The following SLC22A2 variants were observed in gnomAD, a reference collection of about 807,000 sequenced individuals.
SLC22A2 encodes organic cation transporter 2.
Under a neutral mutation model 60.5 loss-of-function variants are expected in SLC22A2, and 46 were observed. The ratio of observed to expected loss-of-function variants is 0.76; its 90% confidence interval spans 0.60 to 0.97. The LOEUF is 0.97. Among genes scored for constraint, SLC22A2 ranks in the 50% least tolerant of loss-of-function variants. SLC22A2 has a pLI of 0.00. For missense variants in SLC22A2, 701 were observed against 706.6 expected (o/e 0.99, Z 0.09); for synonymous variants, 303 against 267.0 (o/e 1.13, Z -1.31).
chr6:160,256,170 G>A (rs1303071906), intron 2 of SLC22A2, among the ~76,000 whole-genome samples: 1 of 152,000 alleles, frequency 6.6e-6, no homozygotes, highest in Non-Finnish European at 1.5e-5. Flanking sequence ...ACGGGTATTA[G>A]GGAGATTCTA....
rs1783043104 is a variant in SLC22A2 at position 160,243,434 on chromosome 6, G to T, written c.1279+138C>A. On this transcript the variant is annotated intron_variant, in intron 7 of 10. Coordinates refer to ENST00000366953, the MANE Select transcript of SLC22A2 (RefSeq NM_003058.4). The stretch of plus-strand genomic sequence containing the variant: ...CTGGCCATATGAATTTGCTCAGAAG[G>T]GTCCCAGATACTGCCCTCCAATTTG... 5 of 686,736 alleles carry T rather than the reference G, an allele frequency of 7.3e-6. No homozygotes were observed. In the Admixed American group the frequency reaches 1.3e-4, roughly 17 times the overall value. 42.5% of individuals were successfully genotyped at this position (686,736 alleles called of 1,614,324 possible).
Position 160,250,683 on chromosome 6 carries a change from G to GTCCTCAT in SLC22A2, c.537_538insATGAGGA (p.Leu180MetfsTer108). On this transcript the variant is annotated frameshift_variant, in exon 3 of 11. Coordinates refer to ENST00000366953, the MANE Select transcript of SLC22A2 (RefSeq NM_003058.4). LOFTEE classifies it high-confidence loss of function. The stretch of plus-strand genomic sequence containing the variant: ...GCATTTATGAGGACTGTAGTTAGGA[G>GTCCTCAT]GCAGAGCTTACGGCCAAACCTGCAG... The GTCCTCAT allele has an allele frequency of 6.2e-7, 1 of 1,614,006 alleles. No individual in the cohort carries two copies. Among genetic ancestry groups the GTCCTCAT allele is most frequent in the Non-Finnish European group, 8.5e-7 (1 of 1,179,888 alleles).
At chr6:160,248,839 G>A (rs191097659) in intron 4 of SLC22A2, among the ~76,000 whole-genome samples, 2 of 152,328 alleles carry the variant, frequency 1.3e-5, no homozygotes, top group Admixed American at 1.3e-4. Context: ...GCCATGCTCT[G>A]CTTTCTCCAC....
chr6:160,241,759 T>C (rs536624135), intron 8 of SLC22A2, among the ~76,000 whole-genome samples, 173 bp from the exon 9 acceptor site: 1 of 152,052 alleles, frequency 6.6e-6, no homozygotes, highest in Non-Finnish European at 1.5e-5. Flanking sequence ...GAAGAACTTA[T>C]TCATACAACC....
rs1419473520 is a variant in SLC22A2 at position 160,217,012 on chromosome 6, G to C, written c.*420C>G. On this transcript the variant is annotated 3_prime_UTR_variant, in exon 11 of 11. Coordinates refer to ENST00000366953, the MANE Select transcript of SLC22A2 (RefSeq NM_003058.4). ...ATTCTGGACAACTTTATATTGTTTT[G>C]GGTGTTTTATTTCTTTAAGAAAATA... 1 of 152,814 alleles carries C rather than the reference G, an allele frequency of 6.5e-6. No homozygotes were observed. Among genetic ancestry groups the C allele is most frequent in the Non-Finnish European group, 1.4e-5 (1 of 69,304 alleles). 9.5% of individuals were successfully genotyped at this position (152,814 alleles called of 1,614,324 possible).
intron 9 of SLC22A2, among the ~76,000 whole-genome samples, chr6:160,240,656 C>T (rs940888318): frequency 6.6e-6 from 1 of 152,096 alleles, no homozygotes; most frequent in Non-Finnish European, 1.5e-5. Context: ...TTCTGGGGGT[C>T]CTGAGATTTT....
intron 9 of SLC22A2, among the ~76,000 whole-genome samples, chr6:160,227,827 A>C (rs1782747665): frequency 6.6e-6 from 1 of 152,214 alleles, no homozygotes. Context: ...CTGGTCAAAC[A>C]GGCTGCAGTA....
At chr6:160,229,438 T>C (rs1000641815) in intron 9 of SLC22A2, among the ~76,000 whole-genome samples, 2 of 151,954 alleles carry the variant, frequency 1.3e-5, no homozygotes, top group South Asian at 2.1e-4. Flanking sequence ...ATTTCATTGG[T>C]GTCTGATCAC....
chr6:160,234,672 C>A (rs1463218956), intron 9 of SLC22A2, among the ~76,000 whole-genome samples: 2 of 152,228 alleles, frequency 1.3e-5, no homozygotes, highest in East Asian at 3.8e-4. Context: ...CACCATCCAA[C>A]AGATAGGAAT....
At chr6:160,238,957 T>A (rs1171312824) in intron 9 of SLC22A2, among the ~76,000 whole-genome samples, 2 of 152,144 alleles carry the variant, frequency 1.3e-5, no homozygotes, top group Non-Finnish European at 2.9e-5. Context: ...CCTACTGGGC[T>A]GCATTCCCAG....
chr6:160,226,841 C>A (rs1782732791), intron 9 of SLC22A2, among the ~76,000 whole-genome samples: 1 of 152,062 alleles, frequency 6.6e-6, no homozygotes, highest in African/African-American at 2.4e-5. Flanking sequence ...CCCATTCAAG[C>A]CCTGATGGAA....
At chr6:160,246,393 T>C (rs1462220483) in intron 5 of SLC22A2, among the ~76,000 whole-genome samples, 2 of 152,144 alleles carry the variant, frequency 1.3e-5, no homozygotes, top group Non-Finnish European at 2.9e-5. Flanking sequence ...AGGCAAACAA[T>C]AAACACAGGT....
intron 10 of SLC22A2, among the ~76,000 whole-genome samples, chr6:160,221,797 G>C (rs551955645): frequency 2.4e-4 from 37 of 152,204 alleles, no homozygotes; most frequent in Non-Finnish European, 4.3e-4. Flanking sequence ...GCCATGGTTT[G>C]TGGTGCCCTA....
chr6:160,229,375 G>A (rs1428486215), intron 9 of SLC22A2, among the ~76,000 whole-genome samples: 1 of 151,928 alleles, frequency 6.6e-6, no homozygotes, highest in Non-Finnish European at 1.5e-5. Context: ...TCCAGCACCA[G>A]TCACGGACTT....
chr6:160,253,321 G>A (rs1783217366), intron 2 of SLC22A2, among the ~76,000 whole-genome samples: 1 of 152,136 alleles, frequency 6.6e-6, no homozygotes, highest in East Asian at 1.9e-4. Flanking sequence ...TGCAAATTAA[G>A]GGGTGGCTTA....
Position 160,243,636 on chromosome 6 carries a change from G to A in SLC22A2, c.1215C>T (p.Tyr405=), listed in dbSNP as rs775171274. ...ILTIDRIGRR[Y]PWAASNMVAG... ...CAACCATATTTGATGCAGCCCAAGGGTAACGGCGTCCGATGCGGTCGATGG... is the reference window on the plus strand; with the variant it reads ...CAACCATATTTGATGCAGCCCAAGGATAACGGCGTCCGATGCGGTCGATGG... The change falls in exon 7 of 11, where the codon TAC becomes TAT. Residue 405 remains tyrosine (Y), a synonymous_variant. Transcript: ENST00000366953. The A allele has an allele frequency of 6.2e-7, 1 of 1,614,068 alleles. No individual in the cohort carries two copies. Among genetic ancestry groups the A allele is most frequent in the South Asian group, 1.1e-5 (1 of 91,080 alleles).
chr6:160,230,933 C>T (rs374115682), intron 9 of SLC22A2, among the ~76,000 whole-genome samples: 1 of 151,992 alleles, frequency 6.6e-6, no homozygotes, highest in African/African-American at 2.4e-5. Flanking sequence ...TGACTGACTC[C>T]TCCCCAGATC....
chr6:160,238,491 A>T (rs1486530016), intron 9 of SLC22A2, among the ~76,000 whole-genome samples: 1 of 152,212 alleles, frequency 6.6e-6, no homozygotes. Flanking sequence ...ATTTGCAAAG[A>T]CAGGCCTAGT....
chr6:160,249,281 A>C lies in SLC22A2; in HGVS notation c.777T>G (p.Leu259=), dbSNP rs759043401. Residue 259 remains leucine, a synonymous_variant, in exon 4 of 11, where the codon CTT becomes CTG. Transcript: ENST00000366953. ...LLVLAGVAYA[L]PHWRWLQFTV... Reference sequence around the variant, plus strand: ...TGAACTGCAACCACCTCCAGTGAGGAAGTGCGTAAGCCACCCCAGCTAGCA... The same window carrying C: ...TGAACTGCAACCACCTCCAGTGAGGCAGTGCGTAAGCCACCCCAGCTAGCA... The C allele has an allele frequency of 4.5e-5, 73 of 1,613,140 alleles. No homozygotes were observed. The Admixed American group carries it at 1.2e-3, about 26-fold the overall frequency.
Sources: allele counts gnomAD v4.1 joint callset (sites outside exome capture counted in the v4.1 genomes callset), GRCh38; gene constraint gnomAD v4.1.1; transcripts MANE v1.5; gene names NCBI Gene and HGNC (gene_info 2026-07-23, HGNC 2026-07-21).